Variants in KLF7 observed in about 807,000 individuals in gnomAD.
KLF7 encodes Krueppel-like factor 7.
In KLF7, 2 loss-of-function variants were observed where a neutral mutation model predicts 27.3. The ratio of observed to expected loss-of-function variants is 0.07; its 90% CI spans 0.03 to 0.23. The LOEUF (loss-of-function observed/expected upper bound fraction) is 0.23. Among genes scored for constraint, KLF7 ranks in the 10% least tolerant of loss-of-function variants. KLF7 has a pLI of 1.00. For synonymous variants in KLF7, 165 were observed against 162.4 expected (o/e 1.02, Z -0.12); for missense variants, 221 against 394.1 (o/e 0.56, Z 3.72).
chr2:207,163,656 CA>C (rs2106151140), intron 1 of KLF7, among the ~76,000 whole-genome samples: 1 of 152,322 alleles, frequency 6.6e-6, no homozygotes, highest in South Asian at 2.1e-4. Context: ...AACGTTCTAA[CA>C]AATAAAGCCA....
chr2:207,118,238 G>A (rs2105965801), intron 2 of KLF7, among the ~76,000 whole-genome samples: 1 of 152,196 alleles, frequency 6.6e-6, no homozygotes, highest in South Asian at 2.1e-4. Context: ...TGCGTGAACT[G>A]AGACTGGCAT....
chr2:207,165,246 T>C (rs926757441), intron 1 of KLF7, among the ~76,000 whole-genome samples: 1 of 152,048 alleles, frequency 6.6e-6, no homozygotes, highest in Non-Finnish European at 1.5e-5. Context: ...CGCAGGCAGC[T>C]CGCACCGGCT....
At chr2:207,161,744 T>C (rs2078553804) in intron 1 of KLF7, among the ~76,000 whole-genome samples, 1 of 152,128 alleles carries the variant, frequency 6.6e-6, no homozygotes, top group South Asian at 2.1e-4. Flanking sequence ...GAAACCAAGA[T>C]GAAATTGCAG....
chr2:207,092,063 T>C (rs1197941278), intron 2 of KLF7, among the ~76,000 whole-genome samples: 5 of 152,202 alleles, frequency 3.3e-5, no homozygotes, highest in Non-Finnish European at 7.3e-5. Context: ...TCTCTTTCAC[T>C]CTCCCTTCTT....
chr2:207,131,057 A>C (rs1329616175), intron 1 of KLF7, among the ~76,000 whole-genome samples: 1 of 152,222 alleles, frequency 6.6e-6, no homozygotes, highest in East Asian at 1.9e-4. Flanking sequence ...AAAGAGATTA[A>C]ACAAATTGGG....
rs78621969 is a variant in KLF7 at position 207,081,620 on chromosome 2, T to C, written c.858-356A>G. Among the ~76,000 whole-genome samples, 655 of 152,234 alleles carry C rather than the reference T, an allele frequency of 4.3e-3. 6 individuals carry two copies. Among genetic ancestry groups the C allele is most frequent in the African/African-American group, 0.015 (619 of 41,530 alleles). On this transcript the variant is annotated intron_variant, in intron 3 of 3. Transcript: ENST00000309446. ...GCACATCGTAGGATCTCAGTGCATGTTAACTGTTATGATCATAATTGTGAT... is the reference window on the plus strand; with the variant it reads ...GCACATCGTAGGATCTCAGTGCATGCTAACTGTTATGATCATAATTGTGAT...
intron 1 of KLF7, among the ~76,000 whole-genome samples, chr2:207,144,953 C>T (rs911711755): frequency 6.6e-5 from 10 of 152,124 alleles, no homozygotes; most frequent in Non-Finnish European, 1.2e-4. Flanking sequence ...GTTTTTTTCC[C>T]CTTTAGCCAC....
intron 2 of KLF7, chr2:207,110,069 G>C (rs897462826): frequency 6.5e-6 from 1 of 154,836 alleles, no homozygotes; most frequent in Admixed American, 6.5e-5. Flanking sequence ...GGGATGACAC[G>C]TCTGACAATG....
At chr2:207,113,562 C>T (rs1014240229) in intron 2 of KLF7, among the ~76,000 whole-genome samples, 2 of 122,832 alleles carry the variant, frequency 1.6e-5, no homozygotes, top group Admixed American at 1.2e-4. Flanking sequence ...ACACCAGGAG[C>T]AGAAGTAGCC....
At chr2:207,121,243 C>A (rs180687031) in intron 2 of KLF7, among the ~76,000 whole-genome samples, 101 of 152,266 alleles carry the variant, frequency 6.6e-4, no homozygotes, top group Middle Eastern at 6.8e-3. Flanking sequence ...CCACTGGGAG[C>A]GAGAGGGAAA....
chr2:207,082,215 T>A (rs1466606125), intron 3 of KLF7, among the ~76,000 whole-genome samples: 1 of 152,202 alleles, frequency 6.6e-6, no homozygotes, highest in Non-Finnish European at 1.5e-5. Flanking sequence ...CACAGTACTC[T>A]GCTAAACAAC....
upstream of KLF7, among the ~76,000 whole-genome samples, chr2:207,168,838 A>G (rs1303882976): frequency 2.0e-5 from 3 of 152,248 alleles, no homozygotes; most frequent in Non-Finnish European, 4.4e-5. Context: ...TTCACATTGC[A>G]AAACACATGC....
chr2:207,156,990 C>G (rs557208153), intron 1 of KLF7, among the ~76,000 whole-genome samples: 15 of 152,220 alleles, frequency 9.9e-5, no homozygotes, highest in Non-Finnish European at 1.8e-4. Flanking sequence ...CAAAGAGATA[C>G]TGATTTTATT....
chr2:207,130,286 A>C (rs2077592133), intron 1 of KLF7, among the ~76,000 whole-genome samples: 1 of 152,198 alleles, frequency 6.6e-6, no homozygotes, highest in Admixed American at 6.5e-5. Flanking sequence ...ACCTAGAAAA[A>C]GATGGAGTCA....
chr2:207,172,712 C>G, the KLF7 span, among the ~76,000 whole-genome samples: 1 of 152,158 alleles, frequency 6.6e-6, no homozygotes, highest in African/African-American at 2.4e-5. Flanking sequence ...TCTGAATCAG[C>G]AATATAGTCA....
chr2:207,165,394 G>A (rs1303910398), intron 1 of KLF7, 73 bp downstream of exon 1: 37 of 1,602,982 alleles, frequency 2.3e-5, no homozygotes, highest in Non-Finnish European at 2.9e-5. Context: ...TTTCAACCCA[G>A]AGCCCACACC....
At chr2:207,165,420 T>C in intron 1 of KLF7, 47 bp downstream of exon 1, 1 of 1,613,184 alleles carries the variant, frequency 6.2e-7, no homozygotes, top group Middle Eastern at 1.7e-4. Flanking sequence ...AGCCCCTGCG[T>C]CTCCGCCGCC....
chr2:207,089,689 G>T (rs1322158957), intron 2 of KLF7, among the ~76,000 whole-genome samples: 23 of 152,088 alleles, frequency 1.5e-4, no homozygotes, highest in Admixed American at 1.5e-3. Context: ...CCTTGGGCAG[G>T]TTAACAAACC....
At chr2:207,090,654 T>C (rs1349184022) in intron 2 of KLF7, among the ~76,000 whole-genome samples, 4 of 152,188 alleles carry the variant, frequency 2.6e-5, no homozygotes, top group African/African-American at 9.7e-5. Context: ...TCTACAGACA[T>C]GCTGGGTATC....
Sources: gnomAD v4.1 joint callset for allele counts (sites outside exome capture counted in the v4.1 genomes callset) on GRCh38, gnomAD v4.1.1 for gene constraint, MANE v1.5 for transcripts, NCBI Gene and HGNC (gene_info 2026-07-23, HGNC 2026-07-21) for gene names.